The following L3MBTL4 variants were observed in gnomAD, a reference collection of about 807,000 sequenced individuals.
The protein encoded by L3MBTL4 is L3MBTL histone methyl-lysine binding protein 4.
In L3MBTL4, 70 loss-of-function variants were observed where a neutral mutation model predicts 84.5. That is an observed-to-expected ratio of 0.83 (90% CI 0.68 to 1.01). The LOEUF is 1.01. Ranked by LOEUF, L3MBTL4 falls within the 50% of genes least tolerant of loss-of-function variation. The pLI, the probability that L3MBTL4 is intolerant of heterozygous loss-of-function variation, is 0.00. For missense variants in L3MBTL4, 715 were observed against 754.8 expected, an observed-to-expected ratio of 0.95 and a Z score of 0.62; for synonymous variants, 274 against 259.8, an observed-to-expected ratio of 1.05 and a Z score of -0.52.
chr18:6,374,888 A>G (rs2054303659), intron 1 of L3MBTL4, among the ~76,000 whole-genome samples: 1 of 152,258 alleles, frequency 6.6e-6, no homozygotes, highest in Admixed American at 6.5e-5. Context: ...ATCTATGGAA[A>G]AATATTCAGA....
intron 1 of L3MBTL4, among the ~76,000 whole-genome samples, chr18:6,393,649 C>A (rs1050231977): frequency 1.3e-5 from 2 of 152,184 alleles, no homozygotes; most frequent in African/African-American, 4.8e-5. Flanking sequence ...CACAGCCAAT[C>A]AATCAGGGAA....
rs2059530474 is a variant in L3MBTL4 at position 6,121,642 on chromosome 18, T to C, written c.1199+16552A>G. The stretch of plus-strand genomic sequence containing the variant: ...AGCAGACATTCAAGTAGATTCTTTT[T>C]CTTTATTTTTTAAATAAATCATAAC... On this transcript the variant is annotated intron_variant, in intron 14 of 18. Transcript: ENST00000317931. Among the ~76,000 whole-genome samples, 3 of 152,262 alleles carry C rather than the reference T, an allele frequency of 2.0e-5. 1 individual carries two copies. Among genetic ancestry groups the C allele is most frequent in the African/African-American group, 4.8e-5 (2 of 41,562 alleles).
chr18:6,134,157 T>A (rs1320493101), intron 14 of L3MBTL4, among the ~76,000 whole-genome samples: 2 of 152,064 alleles, frequency 1.3e-5, no homozygotes, highest in Non-Finnish European at 2.9e-5. Flanking sequence ...CAGAAACCCC[T>A]GATAAACCCA....
At chr18:6,363,747 G>C (rs1470793319) in intron 1 of L3MBTL4, among the ~76,000 whole-genome samples, 3 of 152,110 alleles carry the variant, frequency 2.0e-5, no homozygotes, top group African/African-American at 7.2e-5. Context: ...CAGTGAAGGA[G>C]CCCAGCTTTG....
chr18:6,200,152 T>C (rs537156), intron 12 of L3MBTL4, among the ~76,000 whole-genome samples: 1 of 152,246 alleles, frequency 6.6e-6, no homozygotes, highest in East Asian at 1.9e-4. Context: ...GCAAACCTGT[T>C]TCTTCATTTT....
chr18:6,302,680 T>C lies in L3MBTL4; in HGVS notation c.73-723A>G, dbSNP rs575589676. 1.6e-4 allele frequency among the ~76,000 whole-genome samples: 24 copies of C among 152,342 alleles called. No homozygotes were observed. In the South Asian group the frequency reaches 5.0e-3, roughly 32 times the overall value. ...ATGTCATTTTGTGGCCATCAAAATG[T>C]ATTCCACCTATTAAAAATTTGTGGC... On this transcript the variant is annotated intron_variant, in intron 3 of 18. Transcript: ENST00000317931.
intron 13 of L3MBTL4, among the ~76,000 whole-genome samples, chr18:6,156,173 A>C (rs28589638): frequency 0.073 from 11,057 of 152,198 alleles, 1,360 homozygotes; most frequent in African/African-American, 0.25. Context: ...CTAGTGCATG[A>C]AGTAGCCAAA....
chr18:6,305,110 A>G (rs1044460436), intron 3 of L3MBTL4, among the ~76,000 whole-genome samples: 10 of 152,364 alleles, frequency 6.6e-5, no homozygotes, highest in African/African-American at 2.2e-4. Flanking sequence ...ACACATATAC[A>G]CACGAAAGAT....
chr18:6,171,770 T>C, intron 13 of L3MBTL4, 58 bp downstream of exon 13: 1 of 1,014,260 alleles, frequency 9.9e-7, no homozygotes, highest in Non-Finnish European at 1.5e-6. Context: ...TAAGCAACAT[T>C]ACGGCTGGAA....
At chr18:5,974,228 G>T (rs1350189679) in intron 16 of L3MBTL4, among the ~76,000 whole-genome samples, 36 of 152,110 alleles carry the variant, frequency 2.4e-4, no homozygotes, top group Admixed American at 2.4e-3. Flanking sequence ...TTCATTCAAG[G>T]TGCTTACAGA....
chr18:6,412,167 A>G (rs943382407), intron 1 of L3MBTL4, among the ~76,000 whole-genome samples: 11 of 151,984 alleles, frequency 7.2e-5, no homozygotes, highest in Admixed American at 5.2e-4. Flanking sequence ...GTCCCAGTGT[A>G]TGTTGTTCCC....
chr18:5,990,780 T>G (rs972230158), intron 16 of L3MBTL4, among the ~76,000 whole-genome samples: 5 of 142,652 alleles, frequency 3.5e-5, no homozygotes, highest in Admixed American at 6.9e-5. Flanking sequence ...GGTGTGTGTG[T>G]GTGTGTGTGT....
intron 16 of L3MBTL4, among the ~76,000 whole-genome samples, chr18:6,020,295 G>C (rs890577937): frequency 6.6e-6 from 1 of 152,002 alleles, no homozygotes; most frequent in Non-Finnish European, 1.5e-5. Flanking sequence ...GTCAGGTATT[G>C]GGTGGAGGTG....
chr18:5,993,008 G>T (rs142474491), intron 16 of L3MBTL4, among the ~76,000 whole-genome samples: 1 of 152,308 alleles, frequency 6.6e-6, no homozygotes, highest in East Asian at 1.9e-4. Context: ...TCACCTGGGG[G>T]CACAGATGAT....
At chr18:6,012,170 G>C (rs1239028517) in intron 16 of L3MBTL4, among the ~76,000 whole-genome samples, 2 of 152,166 alleles carry the variant, frequency 1.3e-5, no homozygotes, top group Non-Finnish European at 2.9e-5. Context: ...ACTGGACACA[G>C]ATTAGAGGAA....
chr18:6,169,822 G>GAA, intron 13 of L3MBTL4, among the ~76,000 whole-genome samples: 1 of 149,760 alleles, frequency 6.7e-6, no homozygotes, highest in East Asian at 1.9e-4. Context: ...AAAACTTAAA[G>GAA]TATAATAATA....
intron 1 of L3MBTL4, among the ~76,000 whole-genome samples, chr18:6,385,876 T>C (rs1242475976): frequency 6.6e-6 from 1 of 152,136 alleles, no homozygotes; most frequent in East Asian, 1.9e-4. Context: ...TCTCCCTCAG[T>C]CAATCAAAAT....
intron 1 of L3MBTL4, among the ~76,000 whole-genome samples, chr18:6,362,897 G>T (rs1249677286): frequency 6.6e-6 from 1 of 152,234 alleles, no homozygotes; most frequent in Non-Finnish European, 1.5e-5. Flanking sequence ...GCTGGAGAAG[G>T]AAGTGTGGGC....
At chr18:5,962,204 T>C (rs1303336321) in intron 17 of L3MBTL4, among the ~76,000 whole-genome samples, 1 of 152,056 alleles carries the variant, frequency 6.6e-6, no homozygotes, top group African/African-American at 2.4e-5. Context: ...CTATGGGTGT[T>C]AGGAAGGGAC....
Sources: gnomAD v4.1 joint callset for allele counts (sites outside exome capture counted in the v4.1 genomes callset) on GRCh38, gnomAD v4.1.1 for gene constraint, MANE v1.5 for transcripts, NCBI Gene and HGNC (gene_info 2026-07-23, HGNC 2026-07-21) for gene names.